The following STAMBP variants were observed in gnomAD, a reference collection of about 807,000 sequenced individuals.
The protein encoded by STAMBP is STAM-binding protein.
Under a neutral mutation model 50.7 loss-of-function variants are expected in STAMBP, and 31 were observed. The ratio of observed to expected loss-of-function variants is 0.61; its 90% CI spans 0.46 to 0.83. The LOEUF (loss-of-function observed/expected upper bound fraction) is 0.83, where lower values mean the gene tolerates loss of function less well. STAMBP is among the 40% of genes least tolerant of loss of function. The pLI, the probability that STAMBP is intolerant of heterozygous loss-of-function variation, is 0.00. For synonymous variants in STAMBP, 211 were observed against 192.4 expected (o/e 1.10, Z -0.80); for missense variants, 472 against 518.9 (o/e 0.91, Z 0.88).
At chr2:73,860,397 A>G (rs1678196437) in intron 9 of STAMBP, 1 of 546,662 alleles carries the variant, frequency 1.8e-6, no homozygotes, top group African/African-American at 2.0e-5. Flanking sequence ...TTTCCCATCT[A>G]TAAAATAGGC....
chr2:73,847,332 G>C (rs1349256947), intron 4 of STAMBP, 55 bp from the exon 5 acceptor site: 5 of 1,532,076 alleles, frequency 3.3e-6, no homozygotes, highest in Non-Finnish European at 4.4e-6. Context: ...TTGTTCTCCT[G>C]AAGTGTGAAG....
chr2:73,843,318 C>T (rs889104752), intron 2 of STAMBP, among the ~76,000 whole-genome samples: 2 of 149,264 alleles, frequency 1.3e-5, no homozygotes, highest in Admixed American at 1.3e-4. Context: ...CTGCCTCAGC[C>T]TCCCAAGCAG....
intron 2 of STAMBP, among the ~76,000 whole-genome samples, chr2:73,843,946 C>T (rs919643757): frequency 2.0e-5 from 3 of 152,174 alleles, no homozygotes; most frequent in Admixed American, 1.3e-4. Flanking sequence ...TCCAGTAGTT[C>T]TAGACATTCC....
At chr2:73,861,964 C>A (rs1678383211) in intron 9 of STAMBP, among the ~76,000 whole-genome samples, 1 of 151,968 alleles carries the variant, frequency 6.6e-6, no homozygotes, top group Non-Finnish European at 1.5e-5. Context: ...ATGGCGAAAC[C>A]CCACCTCTAC....
At chr2:73,831,844 A>C (rs1673968133) in intron 2 of STAMBP, among the ~76,000 whole-genome samples, 1 of 151,930 alleles carries the variant, frequency 6.6e-6, no homozygotes, top group Admixed American at 6.6e-5. Flanking sequence ...AGGGTACACT[A>C]CCCTACATTC....
chr2:73,834,105 G>A (rs111872246), intron 2 of STAMBP, among the ~76,000 whole-genome samples: 9,845 of 148,774 alleles, frequency 0.066, 641 homozygotes, highest in African/African-American at 0.16. Context: ...CAGCCACTTG[G>A]GAGACTGAGG....
chr2:73,860,583 C>G (rs13384232), intron 9 of STAMBP: 3 of 983,738 alleles, frequency 3.0e-6, no homozygotes, highest in Non-Finnish European at 3.6e-6. Flanking sequence ...GAAGCCACTT[C>G]AGATAGGTAA....
chr2:73,869,351 G>A (rs1243537723), downstream of STAMBP, among the ~76,000 whole-genome samples: 1 of 152,138 alleles, frequency 6.6e-6, no homozygotes, highest in Non-Finnish European at 1.5e-5. Context: ...AAGAAAACCA[G>A]TAAGCTTTTC....
intron 2 of STAMBP, among the ~76,000 whole-genome samples, chr2:73,840,773 A>T (rs1188508837): frequency 1.3e-5 from 2 of 152,054 alleles, no homozygotes; most frequent in Non-Finnish European, 2.9e-5. Context: ...AATCAAAAAA[A>T]AAATAAATAG....
At chr2:73,845,092 CTTG>C (rs1675892398) in intron 3 of STAMBP, 72 bp from the exon 4 acceptor site, 48 of 1,586,004 alleles carry the variant, frequency 3.0e-5, no homozygotes, top group Non-Finnish European at 4.1e-5. Flanking sequence ...CAGTCACCAA[CTTG>C]ACTTAAGTCT....
chr2:73,871,961 CG>C (rs1679218108), downstream of STAMBP, among the ~76,000 whole-genome samples: 1 of 151,672 alleles, frequency 6.6e-6, no homozygotes, highest in African/African-American at 2.4e-5. Context: ...TTAGTATAGA[CG>C]GGGTTTCACC....
intron 2 of STAMBP, among the ~76,000 whole-genome samples, chr2:73,843,433 T>TAA (rs1558570407): frequency 6.8e-6 from 1 of 146,818 alleles, no homozygotes; most frequent in Non-Finnish European, 1.5e-5. Flanking sequence ...TATATATATA[T>TAA]AAATTAAAAA....
chr2:73,860,605 T>A, intron 9 of STAMBP: 1 of 975,332 alleles, frequency 1.0e-6, no homozygotes, highest in Non-Finnish European at 1.2e-6. Flanking sequence ...TTAAGTATAT[T>A]TGTAGAATTT....
downstream of STAMBP, among the ~76,000 whole-genome samples, chr2:73,869,420 A>T (rs1372771442): frequency 2.0e-5 from 3 of 152,228 alleles, no homozygotes; most frequent in Non-Finnish European, 2.9e-5. Flanking sequence ...TCTATGAGAG[A>T]AAGACAATGT....
intron 5 of STAMBP, 70 bp downstream of exon 5, chr2:73,847,823 C>A: frequency 6.6e-7 from 1 of 1,526,458 alleles, no homozygotes; most frequent in Non-Finnish European, 8.8e-7. Flanking sequence ...ACGGGGTCAA[C>A]CTAAGATTAC....
chr2:73,867,357 C>A (rs1357529697), downstream of STAMBP, among the ~76,000 whole-genome samples: 5 of 151,664 alleles, frequency 3.3e-5, no homozygotes, highest in African/African-American at 9.7e-5. Flanking sequence ...CCAGCCTGAT[C>A]AACATGGAGA....
intron 7 of STAMBP, among the ~76,000 whole-genome samples, chr2:73,852,508 T>C (rs1406395908): frequency 3.9e-5 from 6 of 152,180 alleles, no homozygotes; most frequent in African/African-American, 1.2e-4. Flanking sequence ...GTGCTGATCT[T>C]GGAAGCCCTG....
Position 73,849,396 on chromosome 2 carries a change from T to G in STAMBP, c.776T>G (p.Val259Gly). ...ATCGATGGATTGCGCCATGTGGTGG[T>G]GCCTGGGCGGCTGTGCCCACAGTTT... Reference protein sequence around the residue: ...PTIDGLRHVVVPGRLCPQFLQ... With the variant: ...PTIDGLRHVVGPGRLCPQFLQ... The change falls in exon 6 of 10, where the codon GTG (valine) becomes GGG (glycine). Residue 259 changes from valine (V) to glycine (G), a missense_variant. Physicochemically the swap from Val to Gly is moderately radical, Grantham distance 109. Transcript: ENST00000394070. The G allele has an allele frequency of 2.5e-6, 4 of 1,613,964 alleles. No homozygotes were observed. The highest frequency in any genetic ancestry group is 3.4e-6 in the Non-Finnish European group (4 of 1,179,962).
In STAMBP at chr2:73,857,073, G is replaced by T. The variant is rs558441769; in HGVS notation, c.1006-2181G>T. ...ATGTGGCACAGCATTGAATTCTTCT[G>T]CCTTGTCTATTCCAGCCTCAGAATT... On this transcript the variant is annotated intron_variant, in intron 7 of 9. Transcript: ENST00000394070. Among the ~76,000 whole-genome samples, 20 of 152,314 alleles carry T rather than the reference G, an allele frequency of 1.3e-4. No homozygotes were observed. In the South Asian group the frequency reaches 4.1e-3, roughly 32 times the overall value.
Sources: gnomAD v4.1 joint callset for allele counts (sites outside exome capture counted in the v4.1 genomes callset) on GRCh38, gnomAD v4.1.1 for gene constraint, MANE v1.5 for transcripts, NCBI Gene and HGNC (gene_info 2026-07-23, HGNC 2026-07-21) for gene names.